POLR2C: variants seen among roughly 807,000 people sequenced by gnomAD.
POLR2C encodes the protein RNA polymerase II subunit C.
Under a neutral mutation model 41.7 loss-of-function variants are expected in POLR2C, and 36 were observed. That is an observed-to-expected ratio of 0.86 (90% CI 0.66 to 1.14). POLR2C has a LOEUF of 1.14. Among genes scored for constraint, POLR2C ranks in the 50% most tolerant of loss-of-function variants. The pLI is 0.00. For missense variants in POLR2C, 260 were observed against 350.4 expected (o/e 0.74, Z 2.06); for synonymous variants, 133 against 137.8 (o/e 0.96, Z 0.25).
intron 4 of POLR2C, among the ~76,000 whole-genome samples, chr16:57,467,924 C>T (rs2030748014): frequency 6.6e-6 from 1 of 152,116 alleles, no homozygotes; most frequent in African/African-American, 2.4e-5. Flanking sequence ...AAACAGACTC[C>T]TCTCCTTTCA....
chr16:57,463,379 A>T, intron 2 of POLR2C: 1 of 538,394 alleles, frequency 1.9e-6, no homozygotes, highest in South Asian at 2.2e-5. Context: ...AAAAGTTTTT[A>T]AAATGTTTTC....
intron 2 of POLR2C, 39 bp downstream of exon 2, chr16:57,463,117 T>G (rs1269258742): frequency 2.0e-6 from 3 of 1,519,884 alleles, no homozygotes; most frequent in African/African-American, 2.8e-5. Flanking sequence ...GCCCACGGGT[T>G]CCTGCCCCGC....
intron 2 of POLR2C, chr16:57,465,672 G>A (rs1319254978): frequency 2.2e-5 from 8 of 365,898 alleles, no homozygotes; most frequent in African/African-American, 1.5e-4. Flanking sequence ...CAAATACTCA[G>A]CTCAAATAAA....
chr16:57,470,861 C>A, intron 8 of POLR2C, 114 bp from the exon 9 acceptor site: 1 of 1,020,016 alleles, frequency 9.8e-7, no homozygotes, highest in Non-Finnish European at 1.5e-6. Flanking sequence ...GGCCCAAGGT[C>A]AAGTTCCATG....
In POLR2C at chr16:57,471,652, C is replaced by T. The variant is rs1346510331; in HGVS notation, c.*533C>T. 1 of 151,284 alleles carries T rather than the reference C, an allele frequency of 6.6e-6. No individual in the cohort carries two copies. Among genetic ancestry groups the T allele is most frequent in the Non-Finnish European group, 1.5e-5 (1 of 68,288 alleles). The allele number at this position is 151,284 out of a possible 1,614,324, so 9.4% of individuals were successfully genotyped here. ...AATAGCATTAGACCCTGGCTGTCCC[C>T]TCCCCACCAAATAAACATGATATTT... On this transcript the variant is annotated 3_prime_UTR_variant, in exon 9 of 9. Coordinates refer to ENST00000219252, the MANE Select transcript of POLR2C (RefSeq NM_032940.3).
Position 57,469,120 on chromosome 16 carries a change from T to C in POLR2C, c.259-45T>C, listed in dbSNP as rs1189752926. 3.1e-6 allele frequency: 5 copies of C among 1,588,742 alleles called. No homozygotes were observed. Among genetic ancestry groups the C allele is most frequent in the Non-Finnish European group, 4.3e-6 (5 of 1,161,926 alleles). On this transcript the variant is annotated intron_variant, in intron 4 of 8. Transcript: ENST00000219252. The surrounding 1 kb of genome is among the most constrained non-coding windows in gnomAD (Gnocchi z 5.8). ...CCAAGACAAGGAGCCAAGGCAGGAG[T>C]TGCCATCTCCCTTTGACTCATTCCT...
In POLR2C at chr16:57,470,095, C is replaced by G. The variant is rs1184863579; in HGVS notation, c.574C>G (p.Leu192Val). The part of the protein sequence containing the change: ...VAFEYDPDNA[L>V]RHTVYPKPEE... ...TTTTGAATACGATCCAGACAATGCC[C>G]TGAGGCACACAGTGTACCCCAAGCC... The change falls in exon 7 of 9, where the codon CTG (leucine) becomes GTG (valine). Residue 192 changes from leucine to valine, a missense_variant. By Grantham distance (32) the Leu-to-Val change is conservative. Transcript: ENST00000219252. 6.2e-7 allele frequency: 1 copy of G among 1,614,140 alleles called. No homozygotes were observed. The highest frequency in any genetic ancestry group is 8.5e-7 in the Non-Finnish European group (1 of 1,180,008).
At chr16:57,466,136 T>C in intron 3 of POLR2C, 39 bp from the exon 4 acceptor site, 11 of 1,547,996 alleles carry the variant, frequency 7.1e-6, no homozygotes, top group Middle Eastern at 1.7e-4. Flanking sequence ...TTGGCTTGGC[T>C]GTTTGGTTTT....
At chr16:57,462,930 G>GC in intron 1 of POLR2C, 99 bp from the exon 2 acceptor site, 1 of 1,187,764 alleles carries the variant, frequency 8.4e-7, no homozygotes, top group South Asian at 1.4e-5. Flanking sequence ...TTCCAGAGCT[G>GC]CCCCCCTGCA....
rs1200314292 is a variant in POLR2C at position 57,469,159 on chromosome 16, C to T, written c.259-6C>T. ...TGACTCATTCCTGCTTCCCTTCCTG[C>T]CTTAGGACTGCACATGTGAGGAGTT... On this transcript the variant is annotated splice_polypyrimidine_tract_variant and splice_region_variant and intron_variant, in intron 4 of 8. Coordinates refer to ENST00000219252, the MANE Select transcript of POLR2C (RefSeq NM_032940.3). The surrounding 1 kb of genome is among the most constrained non-coding windows in gnomAD (Gnocchi z 5.8). 6.2e-7 allele frequency: 1 copy of T among 1,611,476 alleles called. No homozygotes were observed. The highest frequency in any genetic ancestry group is 1.7e-5 in the Admixed American group (1 of 59,832).
Sources: gnomAD v4.1 joint callset for allele counts (sites outside exome capture counted in the v4.1 genomes callset) on GRCh38, gnomAD v4.1.1 for gene constraint, Gnocchi (gnomAD v3.1) non-coding constraint, MANE v1.5 for transcripts, NCBI Gene and HGNC (gene_info 2026-07-23, HGNC 2026-07-21) for gene names.